Variants in SEL1L2 observed in about 807,000 individuals in gnomAD.
SEL1L2 encodes the protein SEL1L2 adaptor subunit of SYVN1 ubiquitin ligase, also known as protein sel-1 homolog 2.
SEL1L2 carries 89 observed loss-of-function variants against 98.8 expected under a neutral mutation model. That is an observed-to-expected ratio of 0.90 (90% CI 0.76 to 1.07). SEL1L2 has a LOEUF of 1.07. SEL1L2 is among the 50% of genes least tolerant of loss of function. The pLI, the probability that SEL1L2 is intolerant of heterozygous loss-of-function variation, is 0.00. For synonymous variants in SEL1L2, 262 were observed against 278.5 expected, an observed-to-expected ratio of 0.94 and a Z score of 0.59; for missense variants, 788 against 812.0, an observed-to-expected ratio of 0.97 and a Z score of 0.36.
chr20:13,900,444 A>C (rs911536947), intron 5 of SEL1L2, among the ~76,000 whole-genome samples: 1 of 152,152 alleles, frequency 6.6e-6, no homozygotes, highest in Non-Finnish European at 1.5e-5. Context: ...CCCACTTGTA[A>C]CTGTTGCACC....
chr20:13,974,641 A>G (rs818758), intron 1 of SEL1L2, among the ~76,000 whole-genome samples: 150,145 of 151,950 alleles, frequency 0.99, 74,179 homozygotes, highest in East Asian at 1. Flanking sequence ...ACCATGCCTG[A>G]CTAATTTTTG....
intron 5 of SEL1L2, among the ~76,000 whole-genome samples, chr20:13,899,307 T>A (rs1025835934): frequency 6.6e-6 from 1 of 152,202 alleles, no homozygotes; most frequent in Non-Finnish European, 1.5e-5. Context: ...GGTTTGCTAT[T>A]ATATATTACA....
chr20:13,873,481 C>T (rs2046295914), intron 12 of SEL1L2, among the ~76,000 whole-genome samples: 1 of 152,078 alleles, frequency 6.6e-6, no homozygotes, highest in South Asian at 2.1e-4. Context: ...CCTGCCTCAG[C>T]CTCCTGAGTA....
intron 14 of SEL1L2, among the ~76,000 whole-genome samples, chr20:13,868,441 C>T (rs111704383): frequency 1.3e-5 from 2 of 152,054 alleles, no homozygotes; most frequent in African/African-American, 4.8e-5. Context: ...AGTTCCTTCT[C>T]TTTCCTTCCC....
intron 5 of SEL1L2, among the ~76,000 whole-genome samples, chr20:13,893,845 T>G (rs974011888): frequency 2.6e-5 from 4 of 151,964 alleles, no homozygotes; most frequent in African/African-American, 9.7e-5. Flanking sequence ...CCAAACCCAA[T>G]GGAATGAAAC....
intron 2 of SEL1L2, among the ~76,000 whole-genome samples, chr20:13,938,083 CTTT>C (rs780844505): frequency 4.4e-5 from 6 of 137,222 alleles, no homozygotes; most frequent in Admixed American, 7.5e-5. Context: ...TTTTTCTTTT[CTTT>C]TTTTTTTTTT....
intron 3 of SEL1L2, chr20:13,928,264 T>C (rs2048982643): frequency 6.6e-6 from 1 of 152,220 alleles, no homozygotes; most frequent in African/African-American, 2.4e-5. Context: ...CCTAGTTCTG[T>C]AGGGCAATGT....
chr20:13,920,227 CAAAAAAA>C (rs4052973), intron 3 of SEL1L2, among the ~76,000 whole-genome samples: 3 of 103,154 alleles, frequency 2.9e-5, no homozygotes, highest in African/African-American at 8.6e-5. Context: ...GACTCCGTCC[CAAAAAAA>C]AAAAAAAAAA....
At chr20:13,946,416 T>C (rs2050010825) in intron 2 of SEL1L2, among the ~76,000 whole-genome samples, 1 of 152,160 alleles carries the variant, frequency 6.6e-6, no homozygotes, top group African/African-American at 2.4e-5. Flanking sequence ...AAAGTACTTA[T>C]AAAGAAACTT....
At chr20:13,915,414 C>A (rs2048362068) in intron 4 of SEL1L2, among the ~76,000 whole-genome samples, 1 of 152,076 alleles carries the variant, frequency 6.6e-6, no homozygotes, top group African/African-American at 2.4e-5. Flanking sequence ...TGTCTGGCAC[C>A]CAGAGAGAGG....
intron 3 of SEL1L2, among the ~76,000 whole-genome samples, chr20:13,922,927 A>G (rs958910332): frequency 6.6e-6 from 1 of 152,192 alleles, no homozygotes; most frequent in African/African-American, 2.4e-5. Flanking sequence ...AAGCAAGTAT[A>G]GGGTTTCAGG....
intron 18 of SEL1L2, among the ~76,000 whole-genome samples, chr20:13,856,839 T>C (rs1369112439): frequency 1.3e-5 from 2 of 152,234 alleles, no homozygotes; most frequent in Non-Finnish European, 2.9e-5. Flanking sequence ...AGTGGTATTA[T>C]ACTCATCTTT....
At chr20:13,957,596 G>C (rs1455687569) in intron 1 of SEL1L2, among the ~76,000 whole-genome samples, 1 of 152,146 alleles carries the variant, frequency 6.6e-6, no homozygotes, top group Non-Finnish European at 1.5e-5. Flanking sequence ...TAAAAATTAG[G>C]CTGGGTATGG....
intron 1 of SEL1L2, among the ~76,000 whole-genome samples, chr20:13,971,159 T>C (rs549813022): frequency 6.6e-6 from 1 of 152,182 alleles, no homozygotes; most frequent in African/African-American, 2.4e-5. Flanking sequence ...GAATTCCTTA[T>C]ATGTTCTAGA....
intron 2 of SEL1L2, among the ~76,000 whole-genome samples, chr20:13,951,155 T>C (rs1402565946): frequency 2.7e-5 from 4 of 150,460 alleles, no homozygotes; most frequent in African/African-American, 9.8e-5. Context: ...CGGGCGCCTA[T>C]AGTCCCAGCT....
intron 1 of SEL1L2, among the ~76,000 whole-genome samples, chr20:13,987,900 C>T (rs1046890460): frequency 7.9e-5 from 12 of 152,120 alleles, no homozygotes; most frequent in Non-Finnish European, 1.5e-4. Context: ...ATATATGAGT[C>T]ACAAAAATTT....
At chr20:13,880,812 G>A (rs2046661997) in intron 10 of SEL1L2, among the ~76,000 whole-genome samples, 1 of 151,872 alleles carries the variant, frequency 6.6e-6, no homozygotes, top group African/African-American at 2.4e-5. Flanking sequence ...TACAATTGGT[G>A]GTGTCTTAGT....
At chr20:13,919,225 CTACTTA>C in intron 3 of SEL1L2, 102 bp from the exon 4 acceptor site, 1 of 691,894 alleles carries the variant, frequency 1.4e-6, no homozygotes, top group East Asian at 2.9e-5. Context: ...GAGTTCTGTT[CTACTTA>C]TTTTTTAAAC....
chr20:13,859,506 A>T (rs1401891120), intron 17 of SEL1L2, 72 bp from the exon 18 acceptor site: 1 of 1,346,066 alleles, frequency 7.4e-7, no homozygotes, highest in Non-Finnish European at 1.0e-6. Context: ...AATTCAACCT[A>T]GTAATCTTGT....
Sources: allele counts gnomAD v4.1 joint callset (sites outside exome capture counted in the v4.1 genomes callset), GRCh38; gene constraint gnomAD v4.1.1; transcripts MANE v1.5; gene names NCBI Gene and HGNC (gene_info 2026-07-23, HGNC 2026-07-21).